TENM2: variants seen among roughly 807,000 people sequenced by gnomAD.
TENM2 encodes teneurin transmembrane protein 2, also known as teneurin-2.
TENM2 carries 52 observed loss-of-function variants against 245.2 expected under a neutral mutation model. The observed-to-expected ratio is 0.21, with a 90% CI of 0.17 to 0.27. The LOEUF is 0.27. Among genes scored for constraint, TENM2 ranks in the 10% least tolerant of loss-of-function variants. The probability of loss-of-function intolerance (pLI) is 1.00; values close to 1 mark genes in which losing one functional copy is unlikely to be tolerated. For missense variants in TENM2, 3,046 were observed against 3,666.8 expected (o/e 0.83, Z 4.37); for synonymous variants, 1,363 against 1,438.9 (o/e 0.95, Z 1.19).
chr5:168,141,346 A>G (rs1191765094), intron 12 of TENM2, among the ~76,000 whole-genome samples: 2 of 152,228 alleles, frequency 1.3e-5, no homozygotes, highest in East Asian at 1.9e-4. Flanking sequence ...CAGGCATGCC[A>G]TAAACATCCT....
the TENM2 span, among the ~76,000 whole-genome samples, chr5:167,265,610 CA>C: frequency 6.6e-6 from 1 of 152,108 alleles, no homozygotes; most frequent in Non-Finnish European, 1.5e-5. Flanking sequence ...CCATTGTACA[CA>C]GGCCTCTGGA....
At chr5:167,427,930 G>A (rs1216877242) in intron 2 of TENM2, among the ~76,000 whole-genome samples, 2 of 136,102 alleles carry the variant, frequency 1.5e-5, no homozygotes, top group South Asian at 2.3e-4. Flanking sequence ...AAGGAAGGAC[G>A]GGAAGGAAGG....
At chr5:167,930,040 G>A (rs1009336959) in intron 3 of TENM2, among the ~76,000 whole-genome samples, 4 of 152,132 alleles carry the variant, frequency 2.6e-5, no homozygotes, top group African/African-American at 7.2e-5. Context: ...TGGTACAAGC[G>A]GAACCCATAT....
intron 2 of TENM2, among the ~76,000 whole-genome samples, chr5:167,380,595 A>G (rs1386430697): frequency 6.6e-6 from 1 of 152,122 alleles, no homozygotes; most frequent in Non-Finnish European, 1.5e-5. Context: ...CCCAGGGGCT[A>G]TCAAGGAATG....
chr5:167,111,808 A>G, the TENM2 span, among the ~76,000 whole-genome samples: 3 of 152,238 alleles, frequency 2.0e-5, no homozygotes, highest in Non-Finnish European at 4.4e-5. Flanking sequence ...CTAGTACAAT[A>G]CAATTATTGA....
At chr5:167,001,943 A>G in the TENM2 span, among the ~76,000 whole-genome samples, 6 of 152,200 alleles carry the variant, frequency 3.9e-5, no homozygotes, top group African/African-American at 1.2e-4. Context: ...GGAAAGAGTT[A>G]CTTGCTTGAG....
At chr5:167,169,583 C>T in the TENM2 span, among the ~76,000 whole-genome samples, 7 of 152,158 alleles carry the variant, frequency 4.6e-5, no homozygotes, top group Non-Finnish European at 7.3e-5. Context: ...AATGAGACTA[C>T]GCATGTAGCA....
intron 1 of TENM2, among the ~76,000 whole-genome samples, chr5:167,358,839 ACACACACACACAC>A (rs1561891607): frequency 1.2e-5 from 1 of 84,210 alleles, no homozygotes; most frequent in Non-Finnish European, 2.9e-5. Context: ...ACACACACAC[ACACACACACACAC>A]CCTGCTGTTT....
intron 2 of TENM2, among the ~76,000 whole-genome samples, chr5:167,617,954 G>A (rs563152154): frequency 1.1e-4 from 16 of 152,264 alleles, no homozygotes; most frequent in Admixed American, 3.9e-4. Context: ...GTTCTTTTAA[G>A]TACTTTGTGA....
the TENM2 span, among the ~76,000 whole-genome samples, chr5:167,027,756 G>A: frequency 6.6e-6 from 1 of 152,098 alleles, no homozygotes; most frequent in African/African-American, 2.4e-5. Context: ...GTACTTTGGT[G>A]CATATTGTTT....
At chr5:167,634,193 A>G (rs556396375) in intron 2 of TENM2, among the ~76,000 whole-genome samples, 3 of 152,198 alleles carry the variant, frequency 2.0e-5, no homozygotes, top group African/African-American at 7.2e-5. Flanking sequence ...TTTAAGAAAC[A>G]GTTTTGTAAT....
At chr5:168,120,924 T>A (rs1299902465) in intron 10 of TENM2, among the ~76,000 whole-genome samples, 1 of 152,174 alleles carries the variant, frequency 6.6e-6, no homozygotes, top group Non-Finnish European at 1.5e-5. Flanking sequence ...AATGAAAGGA[T>A]GTATTCGTGA....
chr5:167,505,918 C>T (rs1412719653), intron 2 of TENM2, among the ~76,000 whole-genome samples: 2 of 152,102 alleles, frequency 1.3e-5, no homozygotes, highest in Admixed American at 1.3e-4. Context: ...TGGTGGTTCA[C>T]ACCTGTAATC....
chr5:168,037,171 T>C (rs1259650245), intron 5 of TENM2, among the ~76,000 whole-genome samples: 1 of 152,210 alleles, frequency 6.6e-6, no homozygotes, highest in African/African-American at 2.4e-5. Context: ...TACAGGACTT[T>C]TTTTTATTTC....
At chr5:167,919,290 T>C (rs1232537441) in intron 3 of TENM2, among the ~76,000 whole-genome samples, 1 of 152,154 alleles carries the variant, frequency 6.6e-6, no homozygotes, top group Non-Finnish European at 1.5e-5. Flanking sequence ...GTCGAGAGTG[T>C]GGTGGGGTCC....
chr5:167,945,287 A>G (rs1426170285), intron 3 of TENM2, among the ~76,000 whole-genome samples: 1 of 152,040 alleles, frequency 6.6e-6, no homozygotes, highest in Non-Finnish European at 1.5e-5. Context: ...TGAGCGTTAC[A>G]AAAGAAATAT....
chr5:167,504,092 T>C (rs1052766205), intron 2 of TENM2, among the ~76,000 whole-genome samples: 1 of 152,116 alleles, frequency 6.6e-6, no homozygotes, highest in African/African-American at 2.4e-5. Flanking sequence ...TAACTTATTT[T>C]TTGCGTGCCT....
intron 2 of TENM2, among the ~76,000 whole-genome samples, chr5:167,441,317 G>A (rs1764870874): frequency 6.6e-6 from 1 of 152,170 alleles, no homozygotes; most frequent in Admixed American, 6.5e-5. Context: ...AGGAAATTTA[G>A]CATTAACCAC....
At chr5:167,293,063 G>A (rs1025690841) in intron 1 of TENM2, among the ~76,000 whole-genome samples, 3 of 152,204 alleles carry the variant, frequency 2.0e-5, no homozygotes, top group African/African-American at 7.2e-5. Context: ...GACAGTGCTG[G>A]TTTCAGCTTG....
Sources: gnomAD v4.1 joint callset for allele counts (sites outside exome capture counted in the v4.1 genomes callset) on GRCh38, gnomAD v4.1.1 for gene constraint, MANE v1.5 for transcripts, NCBI Gene and HGNC (gene_info 2026-07-23, HGNC 2026-07-21) for gene names.